Variants in LMOD3 observed in about 807,000 individuals in gnomAD.
LMOD3 encodes leiomodin-3.
A neutral mutation model predicts 41.8 loss-of-function variants in LMOD3; 31 were observed. The observed-to-expected ratio is 0.74, with a 90% confidence interval of 0.56 to 1.00. The LOEUF (loss-of-function observed/expected upper bound fraction) is 1.00, where lower values mean the gene tolerates loss of function less well. LMOD3 is among the 50% of genes least tolerant of loss of function. The pLI, the probability that LMOD3 is intolerant of heterozygous loss-of-function variation, is 0.00. For missense variants in LMOD3, 755 were observed against 679.5 expected (o/e 1.11, Z -1.23); for synonymous variants, 292 against 241.9 (o/e 1.21, Z -1.92).
rs1403943787 is a variant in LMOD3 at position 69,108,451 on chromosome 3, T to G, written c.*644A>C. 5 of 152,182 alleles carry G rather than the reference T, an allele frequency of 3.3e-5. No individual in the cohort carries two copies. The highest frequency in any genetic ancestry group is 4.8e-5 in the African/African-American group (2 of 41,428). 9.4% of individuals were successfully genotyped at this position (152,182 alleles called of 1,614,324 possible). ...TTCACCATGTTCTGTGGCTTACGTG[T>G]TCTGCCCCTCACAGGTACCCCTATA... On this transcript the variant is annotated 3_prime_UTR_variant, in exon 3 of 3. Coordinates refer to ENST00000420581, the MANE Select transcript of LMOD3 (RefSeq NM_198271.5).
In LMOD3 at chr3:69,122,439, T is replaced by C. The variant is rs1439411336; in HGVS notation, c.-53A>G. The C allele has an allele frequency of 1.6e-5, 22 of 1,354,916 alleles. No individual in the cohort carries two copies. The highest frequency in any genetic ancestry group is 2.2e-5 in the Non-Finnish European group (22 of 1,004,290). The allele number at this position is 1,354,916 out of a possible 1,614,324, so 83.9% of individuals were successfully genotyped here. A position where few individuals can be genotyped will look rare whatever the true frequency, so the allele number is the denominator to read the frequency against. On this transcript the variant is annotated 5_prime_UTR_variant, in exon 1 of 3. Transcript: ENST00000420581. ...AAAAGAAGAATAATCAAAGATGATT[T>C]TTAAAAAGAAGGAAAAAAGCCTCAA...
At chr3:69,109,146 CG>C in intron 2 of LMOD3, 25 bp from the exon 3 acceptor site, 2 of 1,594,990 alleles carry the variant, frequency 1.3e-6, no homozygotes, top group Admixed American at 1.7e-5. Context: ...TTTGAGGAAA[CG>C]GGGGAAATTA....
chr3:69,121,855 G>A (rs1409371852), intron 1 of LMOD3, among the ~76,000 whole-genome samples: 4 of 152,154 alleles, frequency 2.6e-5, no homozygotes, highest in Admixed American at 6.6e-5. Flanking sequence ...CAGCAAACCC[G>A]ACAGCAATTT....
intron 2 of LMOD3, among the ~76,000 whole-genome samples, chr3:69,113,347 G>C (rs1199666379): frequency 6.6e-6 from 1 of 152,166 alleles, no homozygotes; most frequent in African/African-American, 2.4e-5. Context: ...TGTGACAAGA[G>C]AAAGAGGAGA....
intron 2 of LMOD3, among the ~76,000 whole-genome samples, chr3:69,115,194 T>C (rs1028983771): frequency 1.3e-5 from 2 of 152,036 alleles, no homozygotes; most frequent in Admixed American, 6.6e-5. Context: ...TTTAAAAAAA[T>C]TTTTCTGTCG....
In LMOD3 at chr3:69,118,719, T is replaced by C; in HGVS notation, c.1636A>G (p.Ser546Gly). ...DQLLNDIRHSSVAYLKPVQLP... is the reference protein window; with the variant it reads ...DQLLNDIRHSGVAYLKPVQLP... ...CTTACAGGTTTAAGATAGGCGACAC[T>C]GCTGTGACGAATGTCGTTTAGCAGC... The change falls in exon 2 of 3, where the codon AGT (serine) becomes GGT (glycine). Residue 546 changes from serine to glycine, a missense_variant. By Grantham distance (56) the Ser-to-Gly change is moderately conservative. Coordinates refer to ENST00000420581, the MANE Select transcript of LMOD3 (RefSeq NM_198271.5). 1 of 1,613,020 alleles carries C rather than the reference T, an allele frequency of 6.2e-7. No individual in the cohort carries two copies.
At position 69,106,971 on chromosome 3, in the gene LMOD3, G is replaced by C. The variant is rs1268223260; in HGVS notation, c.*2124C>G. ...GATTCACCCACCTCGGCCGCCTACA[G>C]TGCTGGGATTACAGGCATGAGCCAC... On this transcript the variant is annotated 3_prime_UTR_variant, in exon 3 of 3. Coordinates refer to ENST00000420581, the MANE Select transcript of LMOD3 (RefSeq NM_198271.5). 6.8e-6 allele frequency: 1 copy of C among 148,100 alleles called. No homozygotes were observed. Among genetic ancestry groups the C allele is most frequent in the Non-Finnish European group, 1.5e-5 (1 of 67,614 alleles). 9.2% of individuals were successfully genotyped at this position (148,100 alleles called of 1,614,324 possible).
chr3:69,116,776 G>T (rs892181419), intron 2 of LMOD3, among the ~76,000 whole-genome samples: 1 of 152,088 alleles, frequency 6.6e-6, no homozygotes, highest in East Asian at 1.9e-4. Context: ...ATATTTGTTA[G>T]ATTAACAAAT....
At position 69,122,425 on chromosome 3, in the gene LMOD3, A is replaced by G. The variant is rs780979865; in HGVS notation, c.-39T>C. On this transcript the variant is annotated 5_prime_UTR_variant, in exon 1 of 3. Coordinates refer to ENST00000420581, the MANE Select transcript of LMOD3 (RefSeq NM_198271.5). ...TATTATTTTACTAGAAAAGAAGAAT[A>G]ATCAAAGATGATTTTTAAAAAGAAG... The G allele has an allele frequency of 1.4e-6, 2 of 1,399,110 alleles. No homozygotes were observed. The highest frequency in any genetic ancestry group is 5.0e-5 in the Admixed American group (2 of 39,936). The allele number at this position is 1,399,110 out of a possible 1,614,324, so 86.7% of individuals were successfully genotyped here.
chr3:69,122,246 G>A lies in LMOD3; in HGVS notation c.141C>T (p.Ser47=). The A allele has an allele frequency of 6.2e-7, 1 of 1,613,652 alleles. No individual in the cohort carries two copies. Among genetic ancestry groups the A allele is most frequent in the Non-Finnish European group, 8.5e-7 (1 of 1,179,810 alleles). The change falls in exon 1 of 3, where the codon AGC becomes AGT. Residue 47 remains serine, a synonymous_variant. Coordinates refer to ENST00000420581, the MANE Select transcript of LMOD3 (RefSeq NM_198271.5). ...CTTTCTGAATCATTCCCACGGGAAGGCTGGGGTCAGGGGCCATGACTTCCA... is the reference window on the plus strand; with the variant it reads ...CTTTCTGAATCATTCCCACGGGAAGACTGGGGTCAGGGGCCATGACTTCCA... The part of the protein sequence containing the change: ...SEMEVMAPDP[S]LPVGMIQKDQ...
chr3:69,116,517 G>T (rs2092374082), intron 2 of LMOD3, among the ~76,000 whole-genome samples: 1 of 152,082 alleles, frequency 6.6e-6, no homozygotes, highest in African/African-American at 2.4e-5. Flanking sequence ...CTTAAAATTG[G>T]TAGTAGTTTT....
chr3:69,120,248 A>C (rs1269636594), intron 1 of LMOD3, among the ~76,000 whole-genome samples, 188 bp from the exon 2 acceptor site: 1 of 152,154 alleles, frequency 6.6e-6, no homozygotes, highest in East Asian at 1.9e-4. Flanking sequence ...ATGAGTATTA[A>C]AAGGAAACCT....
At chr3:69,109,256 A>G in intron 2 of LMOD3, 135 bp from the exon 3 acceptor site, 1 of 740,870 alleles carries the variant, frequency 1.3e-6, no homozygotes, top group Non-Finnish European at 2.3e-6. Context: ...CACCTCCAAA[A>G]TCAAGATAAA....
intron 1 of LMOD3, among the ~76,000 whole-genome samples, chr3:69,120,599 A>G (rs1179695247): frequency 6.6e-6 from 1 of 150,708 alleles, no homozygotes; most frequent in Admixed American, 6.6e-5. Flanking sequence ...GACATTTTGG[A>G]ATATATATAT....
chr3:69,115,791 T>C (rs2092369637), intron 2 of LMOD3, among the ~76,000 whole-genome samples: 1 of 152,210 alleles, frequency 6.6e-6, no homozygotes, highest in Non-Finnish European at 1.5e-5. Flanking sequence ...TACTGTACTT[T>C]GAGTCTAAGA....
Position 69,108,724 on chromosome 3 carries a change from A to G in LMOD3, c.*371T>C, listed in dbSNP as rs552178550. The G allele has an allele frequency of 2.3e-4, 42 of 181,290 alleles. No individual in the cohort carries two copies. The highest frequency in any genetic ancestry group is 9.7e-4 in the African/African-American group (41 of 42,424). The allele number at this position is 181,290 out of a possible 1,614,324, so 11.2% of individuals were successfully genotyped here. On this transcript the variant is annotated 3_prime_UTR_variant, in exon 3 of 3. Transcript: ENST00000420581. The stretch of plus-strand genomic sequence containing the variant: ...TGGAAGGAGAAAAAAATGGGAATAC[A>G]ATAGTTAACACTTCTGTTATATTTA...
At chr3:69,120,180 T>G in intron 1 of LMOD3, 120 bp from the exon 2 acceptor site, 4 of 1,133,786 alleles carry the variant, frequency 3.5e-6, no homozygotes, top group Non-Finnish European at 4.7e-6. Flanking sequence ...TTTTAAATAA[T>G]CCTTATTTAA....
rs1453693465 is a variant in LMOD3 at position 69,106,300 on chromosome 3, C to G, written c.*2795G>C. 6.6e-6 allele frequency among the ~76,000 whole-genome samples: 1 copy of G among 152,010 alleles called. No homozygotes were observed. The highest frequency in any genetic ancestry group is 6.6e-5 in the Admixed American group (1 of 15,256). On this transcript the variant is annotated 3_prime_UTR_variant, in exon 3 of 3. Coordinates refer to ENST00000420581, the MANE Select transcript of LMOD3 (RefSeq NM_198271.5). ...AGTTTTATATACATGTTAGCCCATT[C>G]CATTTTCTACAAGGTGAATTCTGCC...
chr3:69,119,103 C>T lies in LMOD3; in HGVS notation c.1252G>A (p.Ala418Thr), dbSNP rs781698148. The change falls in exon 2 of 3, where the codon GCC becomes ACC. Residue 418 changes from alanine (A) to threonine (T), a missense_variant. Coordinates refer to ENST00000420581, the MANE Select transcript of LMOD3 (RefSeq NM_198271.5). ...QQLKEQKKLI[A>T]MLENGLGLPP... is the part of the protein sequence containing the mutation. ...AGCCCCAACCCATTCTCTAACATGG[C>T]TATCAGCTTCTTCTGTTCCTTGAGT... is the stretch of plus-strand genomic sequence containing the variant. 4 of 1,613,724 alleles carry T rather than the reference C, an allele frequency of 2.5e-6. No homozygotes were observed. The Admixed American group carries it at 6.7e-5, about 27-fold the overall frequency.
Sources: allele counts gnomAD v4.1 joint callset (sites outside exome capture counted in the v4.1 genomes callset), GRCh38; gene constraint gnomAD v4.1.1; transcripts MANE v1.5; gene names NCBI Gene and HGNC (gene_info 2026-07-23, HGNC 2026-07-21).